C6orf52: variants seen among roughly 807,000 people sequenced by gnomAD.
C6orf52 encodes the protein chromosome 6 open reading frame 52.
Under a neutral mutation model 16.6 loss-of-function variants are expected in C6orf52, and 16 were observed. The ratio of observed to expected loss-of-function variants is 0.96; its 90% CI spans 0.65 to 1.46. The LOEUF (loss-of-function observed/expected upper bound fraction) is 1.46, where lower values mean the gene tolerates loss of function less well. Ranked by LOEUF, C6orf52 falls within the 40% of genes most tolerant of loss-of-function variation. The pLI is 0.00. For synonymous variants in C6orf52, 53 were observed against 61.4 expected, an observed-to-expected ratio of 0.86 and a Z score of 0.64; for missense variants, 166 against 182.3, an observed-to-expected ratio of 0.91 and a Z score of 0.52.
At chr6:10,690,760 G>C (rs1769220477) in intron 1 of C6orf52, among the ~76,000 whole-genome samples, 1 of 152,196 alleles carries the variant, frequency 6.6e-6, no homozygotes, top group Non-Finnish European at 1.5e-5. Flanking sequence ...TCGTGCTTTA[G>C]TGTTTAATGA....
At chr6:10,676,818 T>A (rs902693843) in intron 4 of C6orf52, among the ~76,000 whole-genome samples, 1 of 152,222 alleles carries the variant, frequency 6.6e-6, no homozygotes, top group Non-Finnish European at 1.5e-5. Context: ...TTCTTCTACC[T>A]ATTAAGCCTT....
At chr6:10,687,619 G>T in intron 1 of C6orf52, 58 bp from the exon 2 acceptor site, 1 of 1,027,932 alleles carries the variant, frequency 9.7e-7, no homozygotes, top group Non-Finnish European at 1.5e-6. Context: ...TCCAGCTTGT[G>T]GGCTGAAACC....
chr6:10,680,598 T>G (rs1402713600), intron 4 of C6orf52, among the ~76,000 whole-genome samples: 1 of 151,972 alleles, frequency 6.6e-6, no homozygotes, highest in Non-Finnish European at 1.5e-5. Flanking sequence ...AGTTCTTCTT[T>G]AAATATCTGG....
In C6orf52 at chr6:10,686,983, T is replaced by C. The variant is rs1253228758; in HGVS notation, c.253A>G (p.Thr85Ala). Residue 85 changes from threonine to alanine, a missense_variant, in exon 3 of 5, where the codon ACT becomes GCT. Coordinates refer to ENST00000259983, the MANE Select transcript of C6orf52 (RefSeq NM_001145020.3). ...AGGGATACCTTAGGCATAACCAGAGTTCCAGCTGTGTGTTCAGGGGTCTCA... is the reference window on the plus strand; with the variant it reads ...AGGGATACCTTAGGCATAACCAGAGCTCCAGCTGTGTGTTCAGGGGTCTCA... ...AHETPEHTAG[T>A]LVMPKETTPL... 7.7e-6 allele frequency: 12 copies of C among 1,549,074 alleles called. No homozygotes were observed. The highest frequency in any genetic ancestry group is 1.0e-5 in the Non-Finnish European group (12 of 1,145,874).
intron 4 of C6orf52, 41 bp downstream of exon 4, chr6:10,683,146 G>C (rs577476306): frequency 3.8e-5 from 52 of 1,354,040 alleles, no homozygotes; most frequent in Non-Finnish European, 5.2e-5. Flanking sequence ...CCAGGAAATG[G>C]GGTTTTGTTT....
At chr6:10,672,600 A>C in intron 4 of C6orf52, 1 of 701,906 alleles carries the variant, frequency 1.4e-6, no homozygotes, top group Non-Finnish European at 2.6e-6. Context: ...TAAATCTGGG[A>C]GTTTGAGATC....
chr6:10,691,424 T>C (rs927571450), intron 1 of C6orf52, among the ~76,000 whole-genome samples: 2 of 152,090 alleles, frequency 1.3e-5, no homozygotes, highest in African/African-American at 4.8e-5. Flanking sequence ...GGGGGCTGCA[T>C]GCACCGGTAA....
chr6:10,680,450 T>C (rs993236828), intron 4 of C6orf52, among the ~76,000 whole-genome samples: 1 of 152,226 alleles, frequency 6.6e-6, no homozygotes, highest in Admixed American at 6.5e-5. Context: ...TTTGCATCTA[T>C]GTTCATCAGG....
At chr6:10,682,587 A>G (rs1190945464) in intron 4 of C6orf52, among the ~76,000 whole-genome samples, 8 of 152,236 alleles carry the variant, frequency 5.3e-5, no homozygotes, top group Non-Finnish European at 5.9e-5. Flanking sequence ...CAAACATGTG[A>G]TAAGACAGAC....
chr6:10,683,158 C>T (rs1381963720), intron 4 of C6orf52, 29 bp downstream of exon 4: 3 of 1,484,048 alleles, frequency 2.0e-6, no homozygotes, highest in African/African-American at 2.8e-5. Flanking sequence ...GTTTTGTTTC[C>T]AACCACTTCA....
At chr6:10,674,279 G>C (rs2127459553) in intron 4 of C6orf52, among the ~76,000 whole-genome samples, 1 of 152,254 alleles carries the variant, frequency 6.6e-6, no homozygotes, top group South Asian at 2.1e-4. Context: ...CATTGGGAGT[G>C]AGGGTTTCAA....
intron 4 of C6orf52, among the ~76,000 whole-genome samples, chr6:10,678,318 T>C (rs1331962433): frequency 6.6e-6 from 1 of 152,212 alleles, no homozygotes; most frequent in East Asian, 1.9e-4. Context: ...CTTCAGTTTC[T>C]TCCATCAACA....
chr6:10,687,648 A>T, intron 1 of C6orf52, 87 bp from the exon 2 acceptor site: 1 of 776,796 alleles, frequency 1.3e-6, no homozygotes, highest in Non-Finnish European at 2.2e-6. Flanking sequence ...CTGACAAATA[A>T]GTCTCGCAAC....
intron 1 of C6orf52, among the ~76,000 whole-genome samples, chr6:10,688,920 T>G (rs1366027068): frequency 1.3e-5 from 2 of 152,258 alleles, no homozygotes; most frequent in African/African-American, 4.8e-5. Context: ...CAAGTGATTC[T>G]GCTGCCTCAA....
At chr6:10,683,070 A>T in intron 4 of C6orf52, 117 bp downstream of exon 4, 1 of 649,248 alleles carries the variant, frequency 1.5e-6, no homozygotes, top group Non-Finnish European at 2.6e-6. Context: ...CATATGGCTT[A>T]GGCAACCTAC....
intron 1 of C6orf52, among the ~76,000 whole-genome samples, chr6:10,690,658 T>C (rs1479168549): frequency 6.6e-6 from 1 of 152,150 alleles, no homozygotes; most frequent in Non-Finnish European, 1.5e-5. Flanking sequence ...CAACAAATAT[T>C]TGTTGAATGA....
intron 4 of C6orf52, among the ~76,000 whole-genome samples, chr6:10,680,967 T>C (rs567742093): frequency 1.3e-5 from 2 of 152,244 alleles, no homozygotes; most frequent in South Asian, 2.1e-4. Context: ...TACCCAGTTA[T>C]TTTTTTAAAT....
intron 4 of C6orf52, among the ~76,000 whole-genome samples, chr6:10,674,172 T>C (rs1478438910): frequency 1.3e-5 from 2 of 152,136 alleles, no homozygotes; most frequent in Non-Finnish European, 2.9e-5. Context: ...CCCTCGTGAC[T>C]TTTATAAGGT....
In C6orf52 at chr6:10,687,169, A is replaced by G; in HGVS notation, c.72-5T>C. On this transcript the variant is annotated splice_polypyrimidine_tract_variant and splice_region_variant and intron_variant, in intron 2 of 4. Transcript: ENST00000259983. ...ACTCTAATAGCAGAGGGGAGACTAC[A>G]GGAATGACAATCATCACAACCAACG... is the stretch of plus-strand genomic sequence containing the variant. 6.5e-7 allele frequency: 1 copy of G among 1,538,698 alleles called. No individual in the cohort carries two copies. The highest frequency in any genetic ancestry group is 8.8e-7 in the Non-Finnish European group (1 of 1,139,158).
Sources: allele counts gnomAD v4.1 joint callset (sites outside exome capture counted in the v4.1 genomes callset), GRCh38; gene constraint gnomAD v4.1.1; transcripts MANE v1.5; gene names NCBI Gene and HGNC (gene_info 2026-07-23, HGNC 2026-07-21).